PRTG: variants seen among roughly 807,000 people sequenced by gnomAD.
The protein encoded by PRTG is immunoglobulin superfamily, DCC subclass, member 5.
A neutral mutation model predicts 122.5 loss-of-function variants in PRTG; 67 were observed. That is an observed-to-expected ratio of 0.55 (90% CI 0.45 to 0.67). The LOEUF (loss-of-function observed/expected upper bound fraction) is 0.67, where lower values mean the gene tolerates loss of function less well. PRTG is among the 30% of genes least tolerant of loss of function. PRTG has a pLI of 0.00. For synonymous variants in PRTG, 554 were observed against 501.1 expected (o/e 1.11, Z -1.41); for missense variants, 1,435 against 1,415.4 (o/e 1.01, Z -0.22).
chr15:55,638,758 A>C (rs2059272353), intron 13 of PRTG, 82 bp from the exon 14 acceptor site: 5 of 1,247,392 alleles, frequency 4.0e-6, no homozygotes. Context: ...CAAATAGGTA[A>C]GGGCATAATG....
intron 2 of PRTG, among the ~76,000 whole-genome samples, chr15:55,691,677 T>C (rs929220661): frequency 3.0e-5 from 4 of 135,286 alleles, no homozygotes; most frequent in Non-Finnish European, 6.2e-5. Flanking sequence ...CAAGACTCCA[T>C]CTCAAAAAAA....
At chr15:55,621,378 C>G (rs972450869) in intron 18 of PRTG, among the ~76,000 whole-genome samples, 11 of 150,354 alleles carry the variant, frequency 7.3e-5, no homozygotes, top group Non-Finnish European at 1.3e-4. Flanking sequence ...ACAAAATAGG[C>G]CAGGTACGGT....
rs1050637246 is a variant in PRTG at position 55,613,679 on chromosome 15, T to A, written c.*6333A>T. 3.3e-5 allele frequency: 5 copies of A among 151,906 alleles called. No homozygotes were observed. Among genetic ancestry groups the A allele is most frequent in the African/African-American group, 1.2e-4 (5 of 41,418 alleles). The allele number at this position is 151,906 out of a possible 1,614,324, so 9.4% of individuals were successfully genotyped here. Reference sequence around the variant, plus strand: ...GTAGAAAGGTTGTTCTGACACAACCTGGCTTTTGTGGATACAAGGAAAAAA... The same window carrying A: ...GTAGAAAGGTTGTTCTGACACAACCAGGCTTTTGTGGATACAAGGAAAAAA... On this transcript the variant is annotated 3_prime_UTR_variant, in exon 20 of 20. Transcript: ENST00000389286.
At chr15:55,673,252 A>T in intron 10 of PRTG, 119 bp downstream of exon 10, 2 of 760,640 alleles carry the variant, frequency 2.6e-6, no homozygotes, top group Non-Finnish European at 4.1e-6. Flanking sequence ...TAAGTCCATC[A>T]TCTATGGAAT....
At chr15:55,664,587 TTTTG>T (rs2059428222) in intron 11 of PRTG, among the ~76,000 whole-genome samples, 2 of 152,182 alleles carry the variant, frequency 1.3e-5, no homozygotes, top group South Asian at 4.1e-4. Context: ...AGAAATTTTT[TTTTG>T]TTTGTTTTTG....
intron 11 of PRTG, among the ~76,000 whole-genome samples, chr15:55,642,098 C>A (rs2059294115): frequency 7.0e-6 from 1 of 143,790 alleles, no homozygotes; most frequent in Non-Finnish European, 1.5e-5. Flanking sequence ...GGCGTGAACC[C>A]GGGAAGCGGA....
At chr15:55,736,024 A>G (rs1446043950) in intron 2 of PRTG, among the ~76,000 whole-genome samples, 2 of 152,218 alleles carry the variant, frequency 1.3e-5, no homozygotes, top group African/African-American at 2.4e-5. Context: ...TCCTCTTTTT[A>G]AAGGCGAATT....
At position 55,628,142 on chromosome 15, in the gene PRTG, T is replaced by G. The variant is rs140054441; in HGVS notation, c.2806+680A>C. Reference sequence around the variant, plus strand: ...ACACACACACATCCCTGGCACCGAATGACCATTCTCTGTGAAGCTACGAGC... The same window carrying G: ...ACACACACACATCCCTGGCACCGAAGGACCATTCTCTGTGAAGCTACGAGC... On this transcript the variant is annotated intron_variant, in intron 16 of 19. Transcript: ENST00000389286. 8.6e-3 allele frequency among the ~76,000 whole-genome samples: 1,307 copies of G among 152,266 alleles called. 10 individuals are homozygous for G. Among genetic ancestry groups the G allele is most frequent in the African/African-American group, 0.03 (1,240 of 41,548 alleles).
chr15:55,671,877 T>C (rs1157005336), intron 11 of PRTG, among the ~76,000 whole-genome samples: 2 of 152,186 alleles, frequency 1.3e-5, no homozygotes, highest in South Asian at 2.1e-4. Context: ...TCTACAAAGA[T>C]AGGAAGACTA....
In PRTG at chr15:55,653,526, C is replaced by T. The variant is rs552689681; in HGVS notation, c.2042-12318G>A. Among the ~76,000 whole-genome samples the T allele has an allele frequency of 6.6e-5, 10 of 150,830 alleles. No homozygotes were observed. In the South Asian group the frequency reaches 2.1e-3, roughly 32 times the overall value. On this transcript the variant is annotated intron_variant, in intron 11 of 19. Transcript: ENST00000389286. ...TTGCCCAGGCTGGAGTGCAATGGTG[C>T]GATCTCGGCTCACTGCAACCTCTGC...
rs190256558 is a variant in PRTG, at chr15:55,629,537, C to A, written c.2624-533G>T. ...ACACGAAAATAATGGTATAATGAACCCAGATTCAATAATTATACTCTTATT... is the reference window on the plus strand; with the variant it reads ...ACACGAAAATAATGGTATAATGAACACAGATTCAATAATTATACTCTTATT... On this transcript the variant is annotated intron_variant, in intron 15 of 19. Coordinates refer to ENST00000389286, the MANE Select transcript of PRTG (RefSeq NM_173814.6). Among the ~76,000 whole-genome samples, 4 of 151,610 alleles carry A rather than the reference C, an allele frequency of 2.6e-5. No homozygotes were observed. The East Asian group carries it at 7.7e-4, about 29-fold the overall frequency.
chr15:55,643,175 A>G (rs2059302053), intron 11 of PRTG, among the ~76,000 whole-genome samples: 1 of 152,194 alleles, frequency 6.6e-6, no homozygotes, highest in Non-Finnish European at 1.5e-5. Flanking sequence ...GATATTTTCT[A>G]ATATTTAATA....
Position 55,673,393 on chromosome 15 carries a change from C to T in PRTG, c.1830G>A (p.Thr610=), listed in dbSNP as rs371923467. 51 of 1,612,594 alleles carry T rather than the reference C, an allele frequency of 3.2e-5. No individual in the cohort carries two copies. The African/African-American group carries it at 5.7e-4, about 18-fold the overall frequency. The change falls in exon 10 of 20, where the codon ACG becomes ACA. Residue 610 remains threonine, a synonymous_variant. Transcript: ENST00000389286. ...CACCTTTCACGCTTGTAGCTTTGGGCGTCCTATGTGAAGTCCATACTGATG... is the reference window on the plus strand; with the variant it reads ...CACCTTTCACGCTTGTAGCTTTGGGTGTCCTATGTGAAGTCCATACTGATG... ...GESSVWTSHR[T]PKATSVKAPK... is the part of the protein sequence containing the mutation.
chr15:55,675,460 G>T, intron 9 of PRTG, 59 bp downstream of exon 9: 1 of 1,232,106 alleles, frequency 8.1e-7, no homozygotes. Flanking sequence ...TTTATTCATT[G>T]AAATTGACAA....
intron 11 of PRTG, among the ~76,000 whole-genome samples, chr15:55,669,766 G>C (rs7178365): frequency 5.9e-5 from 9 of 152,176 alleles, no homozygotes; most frequent in African/African-American, 2.2e-4. Flanking sequence ...CCAGGGGTGC[G>C]GAACCTGCTG....
At chr15:55,625,001 AT>A (rs1431827236) in intron 17 of PRTG, among the ~76,000 whole-genome samples, 1 of 152,244 alleles carries the variant, frequency 6.6e-6, no homozygotes, top group Non-Finnish European at 1.5e-5. Flanking sequence ...TGTTAGAACT[AT>A]TTCATTAACA....
At chr15:55,656,374 A>G (rs937324028) in intron 11 of PRTG, 2 of 455,580 alleles carry the variant, frequency 4.4e-6, no homozygotes, top group Non-Finnish European at 8.8e-6. Context: ...TTTGACAAGA[A>G]TACTACAAAG....
intron 2 of PRTG, among the ~76,000 whole-genome samples, chr15:55,699,469 A>C (rs1430821090): frequency 1.3e-5 from 2 of 152,182 alleles, no homozygotes. Flanking sequence ...CACCAAAATA[A>C]AACTAACTCA....
intron 11 of PRTG, among the ~76,000 whole-genome samples, chr15:55,660,383 G>A (rs181937064): frequency 6.6e-5 from 10 of 152,078 alleles, no homozygotes; most frequent in African/African-American, 2.2e-4. Flanking sequence ...AACCCCTCTC[G>A]TTTAACTTAG....
Sources: allele counts gnomAD v4.1 joint callset (sites outside exome capture counted in the v4.1 genomes callset), GRCh38; gene constraint gnomAD v4.1.1; transcripts MANE v1.5; gene names NCBI Gene and HGNC (gene_info 2026-07-23, HGNC 2026-07-21).